Variants in DGKK observed in about 807,000 individuals in gnomAD.
DGKK encodes 142 kDa diacylglycerol kinase.
Under a neutral mutation model 92.2 loss-of-function variants are expected in DGKK, and 35 were observed. The ratio of observed to expected loss-of-function variants is 0.38; its 90% CI spans 0.29 to 0.50. DGKK has a LOEUF of 0.50. DGKK is among the 20% of genes least tolerant of loss of function. DGKK has a pLI of 0.92. For missense variants in DGKK, 910 were observed against 992.2 expected (o/e 0.92, Z 1.11); for synonymous variants, 368 against 360.6 (o/e 1.02, Z -0.23).
At chrX:50,370,312 G>A (rs782749655) in intron 27 of DGKK, 114 bp downstream of exon 27, 34 of 969,085 alleles carry the variant, frequency 3.5e-5, no homozygotes, top group East Asian at 1.4e-4. Flanking sequence ...ATGGCCTCCC[G>A]CTTCATCATC....
rs868950462 is a variant in DGKK, at chrX:50,368,756, G to A, written c.*184C>T. ...CGGAACAAGAACCTTTGGCCAATGA[G>A]GAAATGTAAACCTCTAAGGAGACCA... On this transcript the variant is annotated 3_prime_UTR_variant, in exon 28 of 28. Coordinates refer to ENST00000611977, the MANE Select transcript of DGKK (RefSeq NM_001013742.4). 3.5e-4 allele frequency: 138 copies of A among 399,432 alleles called. No individual in the cohort carries two copies. Among genetic ancestry groups the A allele is most frequent in the South Asian group, 1.5e-3 (29 of 19,716 alleles). 32.9% of individuals were successfully genotyped at this position (399,432 alleles called of 1,213,427 possible). A position where few individuals can be genotyped will look rare whatever the true frequency, so the allele number is the denominator to read the frequency against.
rs782379472 is a variant in DGKK at position 50,444,077 on chromosome X, T to C, written c.646-19719A>G. Among the ~76,000 whole-genome samples the C allele has an allele frequency of 2.0e-4, 22 of 110,966 alleles. No individual in the cohort carries two copies. The South Asian group carries it at 8.1e-3, about 41-fold the overall frequency. On this transcript the variant is annotated intron_variant, in intron 1 of 27. Coordinates refer to ENST00000611977, the MANE Select transcript of DGKK (RefSeq NM_001013742.4). The stretch of plus-strand genomic sequence containing the variant: ...TGCCATGGTTTTTATAGCCTATGGG[T>C]AGTCTCCAGTATTTGGCTATCATAA...
At chrX:50,438,671 T>C (rs2147142991) in intron 1 of DGKK, among the ~76,000 whole-genome samples, 1 of 111,551 alleles carries the variant, frequency 9.0e-6, no homozygotes, top group African/African-American at 3.3e-5. Context: ...GGAAAGACAG[T>C]GGACTTAATG....
chrX:50,447,964 T>C (rs2147147263), intron 1 of DGKK, among the ~76,000 whole-genome samples: 1 of 111,190 alleles, frequency 9.0e-6, no homozygotes, highest in African/African-American at 3.3e-5. Flanking sequence ...CAGATAAATG[T>C]GGTGGACAGT....
intron 1 of DGKK, among the ~76,000 whole-genome samples, chrX:50,449,010 G>A (rs782385135): frequency 1.3e-4 from 15 of 111,816 alleles, no homozygotes; most frequent in African/African-American, 4.9e-4. Context: ...GCAGGGTAAA[G>A]TAGAAGTCAT....
At chrX:50,369,995 T>C (rs1161260782) in intron 27 of DGKK, among the ~76,000 whole-genome samples, 1 of 111,977 alleles carries the variant, frequency 8.9e-6, no homozygotes, top group African/African-American at 3.3e-5. Flanking sequence ...ATCCTACTGA[T>C]ATGTCAATAG....
intron 1 of DGKK, among the ~76,000 whole-genome samples, chrX:50,436,248 T>A (rs1191479270): frequency 2.7e-5 from 3 of 111,946 alleles, no homozygotes; most frequent in Non-Finnish European, 3.8e-5. Context: ...AGTTGGTGAG[T>A]CCTGACTATG....
rs1924000268 is a variant in DGKK at position 50,367,467 on chromosome X, C to CATTT, written c.*1469_*1472dup. 1 of 111,894 alleles carries CATTT rather than the reference C, an allele frequency of 8.9e-6. No individual in the cohort carries two copies. Among genetic ancestry groups the CATTT allele is most frequent in the Non-Finnish European group, 1.9e-5 (1 of 53,173 alleles). The allele number at this position is 111,894 out of a possible 1,213,427, so 9.2% of individuals were successfully genotyped here. On this transcript the variant is annotated 3_prime_UTR_variant, in exon 28 of 28. Transcript: ENST00000611977. ...CAGGAAAGCACAGGCTTCTAGCCTTCATTTCTCCAGGCCCATGTTTTTTCT... is the reference window on the plus strand; with the variant it reads ...CAGGAAAGCACAGGCTTCTAGCCTTCATTTATTTCTCCAGGCCCATGTTTTTTCT...
chrX:50,418,923 T>C (rs1557228845), intron 4 of DGKK, among the ~76,000 whole-genome samples: 1 of 111,716 alleles, frequency 9.0e-6, no homozygotes, highest in Non-Finnish European at 1.9e-5. Flanking sequence ...ATTGAAAATG[T>C]TATATGATTC....
chrX:50,370,792 C>A (rs1483443080), intron 26 of DGKK, among the ~76,000 whole-genome samples: 1 of 111,961 alleles, frequency 8.9e-6, no homozygotes, highest in East Asian at 2.8e-4. Context: ...ATACAACTCT[C>A]AAAGCAACCT....
At chrX:50,390,141 G>A (rs782044279) in intron 12 of DGKK, among the ~76,000 whole-genome samples, 187 bp downstream of exon 12, 2 of 112,360 alleles carry the variant, frequency 1.8e-5, no homozygotes, top group African/African-American at 6.5e-5. Flanking sequence ...ATAAGTAAAT[G>A]AGTGAATGAA....
intron 18 of DGKK, among the ~76,000 whole-genome samples, 190 bp from the exon 19 acceptor site, chrX:50,380,267 G>A (rs1169687247): frequency 9.0e-6 from 1 of 111,511 alleles, no homozygotes; most frequent in Non-Finnish European, 1.9e-5. Context: ...TGGGTTCCTG[G>A]GCCCCTTTGA....
At chrX:50,426,245 A>G (rs1415522587) in intron 1 of DGKK, among the ~76,000 whole-genome samples, 4 of 111,734 alleles carry the variant, frequency 3.6e-5, no homozygotes. Context: ...CTCCATTCAC[A>G]GTTTAAAGTG....
rs782239689 is a variant in DGKK at position 50,403,467 on chromosome X, T to C, written c.1185+24A>G. On this transcript the variant is annotated intron_variant, in intron 6 of 27. Coordinates refer to ENST00000611977, the MANE Select transcript of DGKK (RefSeq NM_001013742.4). ...AAGGGGACATGGGAGAGGCCGACTGTGGGAAGACATGGCTAGTACTTACTA... is the reference window on the plus strand; with the variant it reads ...AAGGGGACATGGGAGAGGCCGACTGCGGGAAGACATGGCTAGTACTTACTA... 19 of 1,170,058 alleles carry C rather than the reference T, an allele frequency of 1.6e-5. No individual in the cohort carries two copies. The South Asian group carries it at 2.0e-4, about 12-fold the overall frequency.
intron 1 of DGKK, among the ~76,000 whole-genome samples, chrX:50,464,984 C>A (rs1169679941): frequency 9.0e-6 from 1 of 111,504 alleles, no homozygotes; most frequent in Admixed American, 9.5e-5. Flanking sequence ...TAAGGATTTG[C>A]CTCCTCTGCA....
intron 1 of DGKK, among the ~76,000 whole-genome samples, chrX:50,447,067 G>T (rs1262689872): frequency 1.9e-5 from 2 of 104,760 alleles, no homozygotes; most frequent in East Asian, 3.1e-4. Context: ...TCTAGTGAGG[G>T]TTTATTTACC....
rs1925061155 is a variant in DGKK, at chrX:50,403,406, A to G, written c.1185+85T>C. The G allele has an allele frequency of 7.2e-6, 7 of 968,024 alleles. No individual in the cohort carries two copies. In the Admixed American group the frequency reaches 1.6e-4, roughly 22 times the overall value. The allele number at this position is 968,024 out of a possible 1,213,427, so 79.8% of individuals were successfully genotyped here. On this transcript the variant is annotated intron_variant, in intron 6 of 27. Coordinates refer to ENST00000611977, the MANE Select transcript of DGKK (RefSeq NM_001013742.4). ...CCTAGGACTTTGCTTATCTGGAGTT[A>G]GGAAGAAGTCTTCCTCCCCCTGTGT...
At chrX:50,388,456 C>T (rs1924604896) in intron 13 of DGKK, 71 bp downstream of exon 13, 1 of 793,003 alleles carries the variant, frequency 1.3e-6, no homozygotes, top group Admixed American at 2.7e-5. Context: ...TCAACACCCT[C>T]AGCTATCAAA....
intron 13 of DGKK, among the ~76,000 whole-genome samples, 162 bp downstream of exon 13, chrX:50,388,365 T>G (rs1057457350): frequency 6.2e-5 from 7 of 112,020 alleles, no homozygotes; most frequent in African/African-American, 2.3e-4. Context: ...AATGTCATCT[T>G]TCTTTCCTAA....
Sources: gnomAD v4.1 joint callset for allele counts (sites outside exome capture counted in the v4.1 genomes callset) on GRCh38, gnomAD v4.1.1 for gene constraint, MANE v1.5 for transcripts, NCBI Gene and HGNC (gene_info 2026-07-23, HGNC 2026-07-21) for gene names.